PTPRT: variants seen among roughly 807,000 people sequenced by gnomAD.
PTPRT encodes receptor-type tyrosine-protein phosphatase T.
In PTPRT, 56 loss-of-function variants were observed where a neutral mutation model predicts 176.8. That is an observed-to-expected ratio of 0.32 (90% CI 0.26 to 0.40). The LOEUF is 0.40. Among genes scored for constraint, PTPRT ranks in the 10% least tolerant of loss-of-function variants. PTPRT has a pLI of 1.00. For missense variants in PTPRT, 1,540 were observed against 1,908.2 expected (o/e 0.81, Z 3.60); for synonymous variants, 783 against 739.0 (o/e 1.06, Z -0.96).
intron 18 of PTPRT, among the ~76,000 whole-genome samples, chr20:42,136,760 G>A (rs1988398322): frequency 6.6e-6 from 1 of 152,224 alleles, no homozygotes; most frequent in Non-Finnish European, 1.5e-5. Context: ...ATATGTATTT[G>A]GATGCAAGTA....
chr20:43,096,951 G>A (rs2012194954), intron 1 of PTPRT, among the ~76,000 whole-genome samples: 1 of 152,186 alleles, frequency 6.6e-6, no homozygotes, highest in African/African-American at 2.4e-5. Flanking sequence ...GAAGGCCCGA[G>A]GTAAGTTTGG....
chr20:42,886,298 G>A (rs187173100), intron 1 of PTPRT, among the ~76,000 whole-genome samples: 29 of 152,234 alleles, frequency 1.9e-4, no homozygotes, highest in Admixed American at 7.8e-4. Flanking sequence ...GTGAGGCAGC[G>A]GAAGGAGCAC....
At chr20:42,479,347 G>C (rs190964644) in intron 7 of PTPRT, among the ~76,000 whole-genome samples, 11 of 152,322 alleles carry the variant, frequency 7.2e-5, no homozygotes, top group Non-Finnish European at 1.2e-4. Context: ...TATCCATTTG[G>C]AGATGCAATT....
intron 2 of PTPRT, among the ~76,000 whole-genome samples, chr20:42,873,942 T>C (rs183607987): frequency 3.9e-5 from 6 of 152,356 alleles, no homozygotes; most frequent in Admixed American, 3.9e-4. Flanking sequence ...TTAGAATGCA[T>C]ATTTGTAATT....
At chr20:42,481,168 G>T (rs2071378022) in intron 7 of PTPRT, among the ~76,000 whole-genome samples, 1 of 152,100 alleles carries the variant, frequency 6.6e-6, no homozygotes. Flanking sequence ...AATAGGTGTG[G>T]CTGAGTTTCA....
At chr20:42,229,678 ACTT>A (rs1228388139) in intron 15 of PTPRT, among the ~76,000 whole-genome samples, 1 of 152,146 alleles carries the variant, frequency 6.6e-6, no homozygotes, top group Admixed American at 6.5e-5. Flanking sequence ...TCTTTGTGAG[ACTT>A]CTTCTGTAAG....
chr20:43,076,111 A>AT (rs1298389241), intron 1 of PTPRT, among the ~76,000 whole-genome samples: 3 of 152,178 alleles, frequency 2.0e-5, no homozygotes, highest in Non-Finnish European at 4.4e-5. Flanking sequence ...TTGGTTTGGG[A>AT]TTTTTTTAAA....
At chr20:42,988,625 A>G (rs1336502231) in intron 1 of PTPRT, among the ~76,000 whole-genome samples, 1 of 152,232 alleles carries the variant, frequency 6.6e-6, no homozygotes, top group Non-Finnish European at 1.5e-5. Flanking sequence ...ACACAGGACC[A>G]GCAGAGCCAC....
intron 21 of PTPRT, chr20:42,115,993 A>G (rs1365545417): frequency 1.4e-6 from 1 of 716,250 alleles, no homozygotes; most frequent in South Asian, 1.5e-5. Context: ...TCATGGATGA[A>G]AAAGAGATCA....
chr20:42,884,960 T>A (rs1317046688), intron 2 of PTPRT, among the ~76,000 whole-genome samples: 1 of 151,930 alleles, frequency 6.6e-6, no homozygotes. Flanking sequence ...GTCTAAGTGT[T>A]CTCTCTGAGA....
At chr20:42,612,801 G>C (rs897484678) in intron 7 of PTPRT, among the ~76,000 whole-genome samples, 5 of 151,366 alleles carry the variant, frequency 3.3e-5, no homozygotes, top group African/African-American at 1.2e-4. Flanking sequence ...TTTCCAAAGA[G>C]AGACAATCGA....
At chr20:42,471,882 C>T (rs566009899) in intron 8 of PTPRT, among the ~76,000 whole-genome samples, 1 of 152,182 alleles carries the variant, frequency 6.6e-6, no homozygotes, top group African/African-American at 2.4e-5. Flanking sequence ...GTCTCAAACT[C>T]CTGAGATAGG....
At chr20:42,602,475 CT>C in intron 7 of PTPRT, among the ~76,000 whole-genome samples, 1 of 152,068 alleles carries the variant, frequency 6.6e-6, no homozygotes, top group Non-Finnish European at 1.5e-5. Context: ...GGTCAAACGG[CT>C]TTCTATATAT....
intron 2 of PTPRT, among the ~76,000 whole-genome samples, chr20:42,847,820 A>G (rs778377114): frequency 1.3e-5 from 2 of 152,210 alleles, no homozygotes; most frequent in African/African-American, 2.4e-5. Context: ...CCATCCTGTT[A>G]GAAAACAGAG....
At position 42,678,205 on chromosome 20, in the gene PTPRT, A is replaced by G. The variant is rs371187443; in HGVS notation, c.860-46T>C. 163 of 1,555,978 alleles carry G rather than the reference A, an allele frequency of 1.0e-4. 1 individual carries two copies. The highest frequency in any genetic ancestry group is 1.4e-4 in the Non-Finnish European group (158 of 1,138,942). On this transcript the variant is annotated intron_variant, in intron 6 of 30. Coordinates refer to ENST00000373187, the MANE Select transcript of PTPRT (RefSeq NM_007050.6). The stretch of plus-strand genomic sequence containing the variant: ...AAGGACTGTCAGATTCAAATGATTT[A>G]CAGAGCAGACTACAAGCACATGACG...
At chr20:42,573,740 T>G (rs1020674388) in intron 7 of PTPRT, among the ~76,000 whole-genome samples, 7 of 132,656 alleles carry the variant, frequency 5.3e-5, no homozygotes, top group Non-Finnish European at 9.4e-5. Flanking sequence ...ACGGACCCTT[T>G]CTTTCTTTCT....
At chr20:43,162,225 T>C (rs896556666) in intron 1 of PTPRT, among the ~76,000 whole-genome samples, 1 of 152,206 alleles carries the variant, frequency 6.6e-6, no homozygotes, top group Non-Finnish European at 1.5e-5. Flanking sequence ...TAGCTGGGAT[T>C]GGAGAATAAT....
At chr20:43,167,867 C>G (rs2014895704) in intron 1 of PTPRT, among the ~76,000 whole-genome samples, 1 of 152,130 alleles carries the variant, frequency 6.6e-6, no homozygotes, top group Non-Finnish European at 1.5e-5. Context: ...CCCTATGGAG[C>G]CTTCATATGA....
chr20:42,802,896 G>C (rs2077551233), intron 2 of PTPRT, among the ~76,000 whole-genome samples: 1 of 152,216 alleles, frequency 6.6e-6, no homozygotes. Context: ...AAAAATGGAG[G>C]TGATGATGGC....
Sources: gnomAD v4.1 joint callset for allele counts (sites outside exome capture counted in the v4.1 genomes callset) on GRCh38, gnomAD v4.1.1 for gene constraint, MANE v1.5 for transcripts, NCBI Gene and HGNC (gene_info 2026-07-23, HGNC 2026-07-21) for gene names.